AMPD3: variants seen among roughly 807,000 people sequenced by gnomAD.
The protein encoded by AMPD3 is adenosine monophosphate deaminase 3, also known as AMP deaminase 3.
Under a neutral mutation model 82.3 loss-of-function variants are expected in AMPD3, and 57 were observed. The ratio of observed to expected loss-of-function variants is 0.69; its 90% CI spans 0.56 to 0.86. The LOEUF (loss-of-function observed/expected upper bound fraction) is 0.86. Among genes scored for constraint, AMPD3 ranks in the 40% least tolerant of loss-of-function variants. The pLI, the probability that AMPD3 is intolerant of heterozygous loss-of-function variation, is 0.00. For missense variants in AMPD3, 870 were observed against 1,003.8 expected, an observed-to-expected ratio of 0.87 and a Z score of 1.80; for synonymous variants, 381 against 394.7, an observed-to-expected ratio of 0.97 and a Z score of 0.41.
At chr11:10,500,903 C>G in intron 11 of AMPD3, 1 of 985,432 alleles carries the variant, frequency 1.0e-6, no homozygotes, top group African/African-American at 1.7e-5. Flanking sequence ...CTGCTGGGCC[C>G]TGGGGTCTCT....
At chr11:10,450,595 T>G, upstream of AMPD3, 2 of 989,424 alleles carry the variant, frequency 2.0e-6, no homozygotes, top group Non-Finnish European at 2.4e-6. Context: ...CCGGCTGGCA[T>G]CTGCTCCGGG....
At chr11:10,478,367 A>G (rs546719531) in intron 2 of AMPD3, 159 bp from the exon 3 acceptor site, 3 of 982,658 alleles carry the variant, frequency 3.1e-6, no homozygotes, top group Admixed American at 6.1e-5. Context: ...GACATGTGTA[A>G]GAGGAAGGCA....
intron 1 of AMPD3, chr11:10,461,198 A>T (rs1394486392): frequency 1.6e-6 from 2 of 1,243,198 alleles, no homozygotes; most frequent in African/African-American, 3.1e-5. Context: ...ATGGGAACAA[A>T]GTCAGGAGGG....
At chr11:10,487,979 A>G (rs1457460506) in intron 6 of AMPD3, among the ~76,000 whole-genome samples, 1 of 152,202 alleles carries the variant, frequency 6.6e-6, no homozygotes, top group African/African-American at 2.4e-5. Context: ...AGCAAAATAA[A>G]TAAGTGAATA....
At chr11:10,481,872 T>A (rs975794466) in intron 3 of AMPD3, 191 bp from the exon 4 acceptor site, 9 of 692,516 alleles carry the variant, frequency 1.3e-5, no homozygotes, top group Non-Finnish European at 2.3e-5. Context: ...GTGTCCAACA[T>A]AAACCATATT....
At chr11:10,454,690 C>T (rs770628903), upstream of AMPD3, among the ~76,000 whole-genome samples, 11 of 152,150 alleles carry the variant, frequency 7.2e-5, no homozygotes, top group African/African-American at 2.7e-4. Flanking sequence ...ATAAAATTCC[C>T]TGAACGTGTC....
intron 1 of AMPD3, 54 bp from the exon 2 acceptor site, chr11:10,461,461 C>A (rs78155698): frequency 2.5e-6 from 4 of 1,612,474 alleles, no homozygotes; most frequent in South Asian, 1.1e-5. Flanking sequence ...TTCTCTTCCC[C>A]GGTGCTGGTG....
At chr11:10,452,470 G>T (rs1847986295), upstream of AMPD3, among the ~76,000 whole-genome samples, 1 of 152,076 alleles carries the variant, frequency 6.6e-6, no homozygotes, top group Non-Finnish European at 1.5e-5. Flanking sequence ...CATGGCTGGA[G>T]TCCTGGCTGT....
intron 4 of AMPD3, among the ~76,000 whole-genome samples, chr11:10,483,360 G>T (rs895592476): frequency 2.0e-5 from 3 of 152,096 alleles, no homozygotes; most frequent in Non-Finnish European, 4.4e-5. Flanking sequence ...TGCCTCTGGG[G>T]GTAGCTGGTG....
At chr11:10,489,285 G>A (rs951904751) in intron 6 of AMPD3, among the ~76,000 whole-genome samples, 1 of 152,162 alleles carries the variant, frequency 6.6e-6, no homozygotes, top group African/African-American at 2.4e-5. Flanking sequence ...GCCTTGCCCA[G>A]CCCGATGCAG....
chr11:10,474,825 G>C (rs1848691531), intron 2 of AMPD3, among the ~76,000 whole-genome samples: 1 of 152,196 alleles, frequency 6.6e-6, no homozygotes, highest in Admixed American at 6.5e-5. Context: ...TGTGGGTGGG[G>C]GAAGGAGGGG....
At chr11:10,486,868 C>G in intron 5 of AMPD3, 1 of 985,386 alleles carries the variant, frequency 1.0e-6, no homozygotes, top group African/African-American at 1.7e-5. Flanking sequence ...GGACTCAGGC[C>G]CTTTCCCAGG....
chr11:10,478,026 A>G (rs1400476295), intron 2 of AMPD3: 1 of 985,274 alleles, frequency 1.0e-6, no homozygotes, highest in Non-Finnish European at 1.2e-6. Context: ...CAATGCCCCA[A>G]ATGTCTAACT....
intron 4 of AMPD3, chr11:10,484,541 A>G (rs1849006705): frequency 2.1e-6 from 2 of 974,290 alleles, no homozygotes; most frequent in Admixed American, 6.2e-5. Context: ...GGACTGTTCT[A>G]GACACTCAGC....
intron 6 of AMPD3, chr11:10,490,479 C>T: frequency 1.0e-6 from 1 of 985,408 alleles, no homozygotes; most frequent in Non-Finnish European, 1.2e-6. Context: ...GCTTAGGTCC[C>T]AGGTCTGGAA....
chr11:10,495,790 T>A, intron 9 of AMPD3, 57 bp downstream of exon 9: 1 of 1,606,042 alleles, frequency 6.2e-7, no homozygotes, highest in African/African-American at 1.3e-5. Context: ...AATCTGTCCC[T>A]CATGGGCTGC....
chr11:10,506,198 G>T lies in AMPD3; in HGVS notation c.*314G>T. 2 of 378,484 alleles carry T rather than the reference G, an allele frequency of 5.3e-6. No homozygotes were observed. The highest frequency in any genetic ancestry group is 2.5e-5 in the South Asian group (1 of 40,436). The allele number at this position is 378,484 out of a possible 1,614,324, so 23.4% of individuals were successfully genotyped here. ...AACTGTTGGGGCCAGGATTTTCCCTGGTCAGATGCCAAGTAACATGTGGTT... is the reference window on the plus strand; with the variant it reads ...AACTGTTGGGGCCAGGATTTTCCCTTGTCAGATGCCAAGTAACATGTGGTT... On this transcript the variant is annotated 3_prime_UTR_variant, in exon 15 of 15. Coordinates refer to ENST00000396553, the MANE Select transcript of AMPD3 (RefSeq NM_001025389.2). This position sits in a 1 kb window ranked among gnomAD's most constrained non-coding sequence, Gnocchi z 4.1.
At chr11:10,501,982 T>C in intron 12 of AMPD3, 1 of 985,456 alleles carries the variant, frequency 1.0e-6, no homozygotes, top group Non-Finnish European at 1.2e-6. Flanking sequence ...GTAATATCTA[T>C]GCTCCTTTTT....
rs1456445663 is a variant in AMPD3 at position 10,507,036 on chromosome 11, T to C, written c.*1152T>C. ...AGTAGAAAGCATTTTTAAAGATTAA[T>C]CTGAATTAAGCTTTATCAGTGTACT... On this transcript the variant is annotated 3_prime_UTR_variant, in exon 15 of 15. Coordinates refer to ENST00000396553, the MANE Select transcript of AMPD3 (RefSeq NM_001025389.2). The C allele has an allele frequency of 1.3e-5, 2 of 152,636 alleles. No homozygotes were observed. Among genetic ancestry groups the C allele is most frequent in the Non-Finnish European group, 2.9e-5 (2 of 68,032 alleles). The allele number at this position is 152,636 out of a possible 1,614,324, so 9.5% of individuals were successfully genotyped here. A position where few individuals can be genotyped will look rare whatever the true frequency, so the allele number is the denominator to read the frequency against.
Sources: allele counts gnomAD v4.1 joint callset (sites outside exome capture counted in the v4.1 genomes callset), GRCh38; gene constraint gnomAD v4.1.1; non-coding constraint Gnocchi (gnomAD v3.1); transcripts MANE v1.5; gene names NCBI Gene and HGNC (gene_info 2026-07-23, HGNC 2026-07-21).